The following ARHGAP24 variants were observed in gnomAD, a reference collection of about 807,000 sequenced individuals.
ARHGAP24 encodes Rho GTPase activating protein 24, also known as rho GTPase-activating protein 24.
Under a neutral mutation model 76.4 loss-of-function variants are expected in ARHGAP24, and 50 were observed. The observed-to-expected ratio is 0.65, with a 90% CI of 0.52 to 0.83. ARHGAP24 has a LOEUF of 0.83. Among genes scored for constraint, ARHGAP24 ranks in the 40% least tolerant of loss-of-function variants. The pLI is 0.00. For synonymous variants in ARHGAP24, 345 were observed against 323.3 expected (o/e 1.07, Z -0.72); for missense variants, 930 against 914.2 (o/e 1.02, Z -0.22).
At chr4:85,616,536 C>CAGAG (rs1158799468) in intron 2 of ARHGAP24, among the ~76,000 whole-genome samples, 1 of 152,156 alleles carries the variant, frequency 6.6e-6, no homozygotes, top group East Asian at 1.9e-4. Context: ...ATAGAAGTTA[C>CAGAG]AGAGGTATTA....
intron 2 of ARHGAP24, among the ~76,000 whole-genome samples, chr4:85,600,489 A>G (rs1249387523): frequency 6.6e-6 from 1 of 152,158 alleles, no homozygotes; most frequent in East Asian, 1.9e-4. Flanking sequence ...GAAGAGGGAG[A>G]TGGGGCATTC....
chr4:85,761,337 T>C (rs1000331625), intron 3 of ARHGAP24, among the ~76,000 whole-genome samples: 4 of 152,228 alleles, frequency 2.6e-5, no homozygotes, highest in Admixed American at 2.0e-4. Flanking sequence ...TTAGTTTCAC[T>C]GTGGACTCAG....
At chr4:85,587,328 TC>T (rs1245049960) in intron 2 of ARHGAP24, among the ~76,000 whole-genome samples, 1 of 152,142 alleles carries the variant, frequency 6.6e-6, no homozygotes, top group Non-Finnish European at 1.5e-5. Context: ...GAACAAAAGT[TC>T]CCCAGTAGTT....
rs186960574 is a variant in ARHGAP24, at chr4:85,627,094, A to G, written c.180+56373A>G. Among the ~76,000 whole-genome samples, 381 of 152,172 alleles carry G rather than the reference A, an allele frequency of 2.5e-3. 1 individual carries two copies. Among genetic ancestry groups the G allele is most frequent in the African/African-American group, 8.8e-3 (367 of 41,534 alleles). Reference sequence around the variant, plus strand: ...TCAACTTGTCAGTCATTCTCTTTCCAGCTTTGTTCTATTGCTGGTGAGGAG... The same window carrying G: ...TCAACTTGTCAGTCATTCTCTTTCCGGCTTTGTTCTATTGCTGGTGAGGAG... On this transcript the variant is annotated intron_variant, in intron 2 of 9. Transcript: ENST00000395184.
chr4:85,532,365 G>A (rs1049414227), intron 1 of ARHGAP24, among the ~76,000 whole-genome samples: 1 of 152,110 alleles, frequency 6.6e-6, no homozygotes, highest in African/African-American at 2.4e-5. Context: ...GAGGGCTGTG[G>A]ATGGCCAATG....
intron 3 of ARHGAP24, among the ~76,000 whole-genome samples, chr4:85,801,107 T>A (rs1728561239): frequency 6.6e-6 from 1 of 152,154 alleles, no homozygotes; most frequent in South Asian, 2.1e-4. Flanking sequence ...TTTTAAACTA[T>A]CTATAGTTTT....
intron 1 of ARHGAP24, among the ~76,000 whole-genome samples, chr4:85,520,581 T>C (rs973889056): frequency 1.3e-5 from 2 of 152,280 alleles, no homozygotes; most frequent in Admixed American, 1.3e-4. Context: ...TTCCTAACTA[T>C]CTCTCTGCAT....
rs554429271 is a variant in ARHGAP24, at chr4:85,707,373, G to A, written c.181-14512G>A. ...CCTCACCAGAGAAATGTTTGAATGC[G>A]TCCTTGTGCTTCTTGAATTAGTATT... is the stretch of plus-strand genomic sequence containing the variant. On this transcript the variant is annotated intron_variant, in intron 2 of 9. Coordinates refer to ENST00000395184, the MANE Select transcript of ARHGAP24 (RefSeq NM_001025616.3). Among the ~76,000 whole-genome samples, 25 of 151,968 alleles carry A rather than the reference G, an allele frequency of 1.6e-4. No individual in the cohort carries two copies. The East Asian group carries it at 3.9e-3, about 24-fold the overall frequency.
intron 3 of ARHGAP24, among the ~76,000 whole-genome samples, chr4:85,871,809 A>C (rs1399254100): frequency 6.6e-6 from 1 of 152,196 alleles, no homozygotes; most frequent in Non-Finnish European, 1.5e-5. Flanking sequence ...CAGTGATGGC[A>C]CATTGATCCA....
At chr4:85,983,377 T>C (rs1739794454) in intron 8 of ARHGAP24, among the ~76,000 whole-genome samples, 1 of 152,192 alleles carries the variant, frequency 6.6e-6, no homozygotes, top group Admixed American at 6.5e-5. Flanking sequence ...GTTGAACTAA[T>C]TTACATTCCC....
In ARHGAP24 at chr4:85,921,830, G is replaced by T. The variant is rs564203485; in HGVS notation, c.269-1818G>T. On this transcript the variant is annotated intron_variant, in intron 3 of 9. Coordinates refer to ENST00000395184, the MANE Select transcript of ARHGAP24 (RefSeq NM_001025616.3). ...CCCTGTTGTGAACTGCACCTGAGAG[G>T]GATCTAGGCTGCCCGCTCCTTATGA... Among the ~76,000 whole-genome samples, 62 of 152,204 alleles carry T rather than the reference G, an allele frequency of 4.1e-4. No individual in the cohort carries two copies. In the South Asian group the frequency reaches 0.012, roughly 30 times the overall value.
chr4:85,860,086 A>T (rs1023928973), intron 3 of ARHGAP24, among the ~76,000 whole-genome samples: 1 of 152,130 alleles, frequency 6.6e-6, no homozygotes, highest in Non-Finnish European at 1.5e-5. Flanking sequence ...ACGTCCAGTG[A>T]ATCAGAACAA....
chr4:85,872,675 G>T (rs1180856966), intron 3 of ARHGAP24, among the ~76,000 whole-genome samples: 1 of 126,010 alleles, frequency 7.9e-6, no homozygotes, highest in Admixed American at 1.1e-4. Context: ...TCAGCTCATT[G>T]CAACCTCTGC....
chr4:85,857,948 T>A (rs528942687), intron 3 of ARHGAP24, among the ~76,000 whole-genome samples: 1 of 152,318 alleles, frequency 6.6e-6, no homozygotes, highest in Non-Finnish European at 1.5e-5. Context: ...ATTCTAATAA[T>A]TCTTCTTTTA....
intron 2 of ARHGAP24, among the ~76,000 whole-genome samples, chr4:85,605,762 A>G (rs1158400137): frequency 1.3e-5 from 2 of 152,216 alleles, no homozygotes; most frequent in Non-Finnish European, 1.5e-5. Context: ...GATTACATAT[A>G]GGAGATTTAA....
At chr4:85,621,992 C>T (rs1418415181) in intron 2 of ARHGAP24, among the ~76,000 whole-genome samples, 2 of 151,908 alleles carry the variant, frequency 1.3e-5, no homozygotes, top group East Asian at 1.9e-4. Flanking sequence ...TATTGCTTCT[C>T]GCTTAGAACT....
chr4:85,638,525 C>G (rs571186277), intron 2 of ARHGAP24, among the ~76,000 whole-genome samples: 2 of 152,252 alleles, frequency 1.3e-5, no homozygotes, highest in Admixed American at 1.3e-4. Flanking sequence ...AAAGGAAACC[C>G]TATTCCTGTC....
chr4:85,901,727 T>C (rs1734502354), intron 3 of ARHGAP24, among the ~76,000 whole-genome samples: 1 of 152,218 alleles, frequency 6.6e-6, no homozygotes, highest in South Asian at 2.1e-4. Context: ...GTAATTTATT[T>C]GCCATACAGA....
At chr4:85,485,347 CAAAAAAAAAAAAAAAAAAAA>C (rs1157207535) in intron 1 of ARHGAP24, among the ~76,000 whole-genome samples, 7 of 6,728 alleles carry the variant, frequency 1.0e-3, no homozygotes, top group African/African-American at 2.9e-3. Flanking sequence ...GACTCCATCT[CAAAAAAAAAAAAAAAAAAAA>C]AAAAAAAAAA....
Sources: gnomAD v4.1 joint callset for allele counts (sites outside exome capture counted in the v4.1 genomes callset) on GRCh38, gnomAD v4.1.1 for gene constraint, MANE v1.5 for transcripts, NCBI Gene and HGNC (gene_info 2026-07-23, HGNC 2026-07-21) for gene names.